The following NMNAT2 variants were observed in gnomAD, a reference collection of about 807,000 sequenced individuals.
NMNAT2 encodes nicotinamide/nicotinic acid mononucleotide adenylyltransferase 2.
A neutral mutation model predicts 41.6 loss-of-function variants in NMNAT2; 11 were observed. The ratio of observed to expected loss-of-function variants is 0.26; its 90% confidence interval spans 0.17 to 0.44. NMNAT2 has a LOEUF of 0.44. Among genes scored for constraint, NMNAT2 ranks in the 20% least tolerant of loss-of-function variants. The pLI, the probability that NMNAT2 is intolerant of heterozygous loss-of-function variation, is 1.00. For missense variants in NMNAT2, 288 were observed against 407.7 expected (o/e 0.71, Z 2.53); for synonymous variants, 148 against 151.2 (o/e 0.98, Z 0.16).
At chr1:183,337,968 T>C (rs1662710861) in intron 1 of NMNAT2, among the ~76,000 whole-genome samples, 1 of 152,080 alleles carries the variant, frequency 6.6e-6, no homozygotes, top group Non-Finnish European at 1.5e-5. Flanking sequence ...ATCTAAGGAA[T>C]AAACTGGTTG....
At chr1:183,280,337 G>A (rs1661227821) in intron 7 of NMNAT2, among the ~76,000 whole-genome samples, 1 of 152,158 alleles carries the variant, frequency 6.6e-6, no homozygotes, top group Non-Finnish European at 1.5e-5. Flanking sequence ...TAGGCCACAT[G>A]TGGCCCAGGG....
At chr1:183,289,959 T>C (rs568248415) in intron 4 of NMNAT2, among the ~76,000 whole-genome samples, 169 bp downstream of exon 4, 1 of 152,354 alleles carries the variant, frequency 6.6e-6, no homozygotes, top group Non-Finnish European at 1.5e-5. Flanking sequence ...TTGTTCTTCA[T>C]GCTGTTCACA....
At chr1:183,297,387 T>C (rs1661729930) in intron 1 of NMNAT2, among the ~76,000 whole-genome samples, 4 of 33,416 alleles carry the variant, frequency 1.2e-4, no homozygotes, top group African/African-American at 1.7e-4. Flanking sequence ...GGAACCCTTT[T>C]TTTTTTTTTT....
At chr1:183,260,889 C>A (rs1660640309) in intron 10 of NMNAT2, 113 bp downstream of exon 10, 1 of 806,274 alleles carries the variant, frequency 1.2e-6, no homozygotes. Flanking sequence ...AAGCTAAACA[C>A]CAGGGCAGCA....
At chr1:183,284,930 G>C in intron 5 of NMNAT2, 140 bp from the exon 6 acceptor site, 2 of 668,942 alleles carry the variant, frequency 3.0e-6, no homozygotes, top group South Asian at 3.3e-5. Flanking sequence ...GAGGTAGCAG[G>C]AGGGTAGAGA....
At chr1:183,293,086 G>A (rs886662151) in intron 2 of NMNAT2, among the ~76,000 whole-genome samples, 7 of 152,210 alleles carry the variant, frequency 4.6e-5, no homozygotes, top group Non-Finnish European at 1.0e-4. Flanking sequence ...CAACAAGGTC[G>A]ATAGATGAGC....
intron 1 of NMNAT2, among the ~76,000 whole-genome samples, chr1:183,408,486 C>A (rs955630850): frequency 5.9e-5 from 9 of 152,144 alleles, no homozygotes; most frequent in African/African-American, 1.9e-4. Flanking sequence ...GGGTAGCTGT[C>A]CACATATGGC....
intron 4 of NMNAT2, among the ~76,000 whole-genome samples, chr1:183,288,640 C>T (rs1661455852): frequency 6.6e-6 from 1 of 152,244 alleles, no homozygotes; most frequent in Non-Finnish European, 1.5e-5. Context: ...CCCCTTTCCT[C>T]TCTTCTGTCA....
chr1:183,414,268 T>C (rs1241135269), intron 1 of NMNAT2, among the ~76,000 whole-genome samples: 1 of 152,170 alleles, frequency 6.6e-6, no homozygotes, highest in Non-Finnish European at 1.5e-5. Flanking sequence ...TATCTACAAA[T>C]TAAAATAGAA....
In NMNAT2 at chr1:183,347,462, A is replaced by C. The variant is rs77007183; in HGVS notation, c.86-53669T>G. On this transcript the variant is annotated intron_variant, in intron 1 of 10. Transcript: ENST00000287713. ...CAGAGCAAGACCCTATCTCTCTAAA[A>C]ATGATGATGATAATAATAATAATAG... Among the ~76,000 whole-genome samples, 170 of 152,188 alleles carry C rather than the reference A, an allele frequency of 1.1e-3. 2 individuals carry two copies. The East Asian group carries it at 0.026, about 24-fold the overall frequency.
intron 1 of NMNAT2, among the ~76,000 whole-genome samples, chr1:183,326,637 G>C (rs1414528559): frequency 6.6e-6 from 1 of 152,106 alleles, no homozygotes; most frequent in Non-Finnish European, 1.5e-5. Flanking sequence ...ATATCATGTT[G>C]GGTGTGCTCT....
intron 10 of NMNAT2, among the ~76,000 whole-genome samples, chr1:183,253,438 G>A (rs1160996364): frequency 1.3e-5 from 2 of 151,460 alleles, no homozygotes; most frequent in African/African-American, 2.4e-5. Context: ...TTCTTGTGGC[G>A]AGAATAGCTA....
chr1:183,417,475 C>A (rs754003971), intron 1 of NMNAT2, among the ~76,000 whole-genome samples: 1 of 152,256 alleles, frequency 6.6e-6, no homozygotes, highest in East Asian at 1.9e-4. Flanking sequence ...GGCTCCGGCT[C>A]GCGCAGGGCC....
chr1:183,263,764 C>T (rs1231588590), intron 8 of NMNAT2, among the ~76,000 whole-genome samples: 3 of 152,120 alleles, frequency 2.0e-5, no homozygotes, highest in Admixed American at 1.3e-4. Context: ...GCTGAGATCG[C>T]GCCACTGCAC....
At chr1:183,385,187 G>A (rs974947706) in intron 1 of NMNAT2, among the ~76,000 whole-genome samples, 2 of 152,208 alleles carry the variant, frequency 1.3e-5, no homozygotes, top group African/African-American at 2.4e-5. Context: ...GGGTAACAGA[G>A]TGAGACTCTG....
At chr1:183,398,189 A>G (rs1648709615) in intron 1 of NMNAT2, among the ~76,000 whole-genome samples, 1 of 152,222 alleles carries the variant, frequency 6.6e-6, no homozygotes, top group Admixed American at 6.5e-5. Flanking sequence ...AGACACACAT[A>G]GGCTCAAAAT....
chr1:183,415,965 T>C (rs1277259113), intron 1 of NMNAT2, among the ~76,000 whole-genome samples: 1 of 152,174 alleles, frequency 6.6e-6, no homozygotes, highest in Non-Finnish European at 1.5e-5. Flanking sequence ...TTAATGGACA[T>C]GCAAAGGACT....
At chr1:183,403,933 A>T (rs1403951261) in intron 1 of NMNAT2, among the ~76,000 whole-genome samples, 1 of 152,162 alleles carries the variant, frequency 6.6e-6, no homozygotes, top group African/African-American at 2.4e-5. Flanking sequence ...CCTTGTCACC[A>T]AACAGGATTT....
intron 1 of NMNAT2, among the ~76,000 whole-genome samples, chr1:183,331,288 G>C (rs2102338756): frequency 6.6e-6 from 1 of 152,322 alleles, no homozygotes; most frequent in South Asian, 2.1e-4. Context: ...GGGGTCTGGG[G>C]GAGGGTTGCC....
Sources: allele counts gnomAD v4.1 joint callset (sites outside exome capture counted in the v4.1 genomes callset), GRCh38; gene constraint gnomAD v4.1.1; transcripts MANE v1.5; gene names NCBI Gene and HGNC (gene_info 2026-07-23, HGNC 2026-07-21).